The following MGST2 variants were observed in gnomAD, a reference collection of about 807,000 sequenced individuals.
MGST2 encodes the protein glutathione peroxidase MGST2.
A neutral mutation model predicts 16.6 loss-of-function variants in MGST2; 9 were observed. The ratio of observed to expected loss-of-function variants is 0.54; its 90% CI spans 0.33 to 0.95. The LOEUF is 0.95. Among genes scored for constraint, MGST2 ranks in the 40% least tolerant of loss-of-function variants. The pLI, the probability that MGST2 is intolerant of heterozygous loss-of-function variation, is 0.03. For synonymous variants in MGST2, 79 were observed against 68.0 expected, an observed-to-expected ratio of 1.16 and a Z score of -0.79; for missense variants, 159 against 175.1, an observed-to-expected ratio of 0.91 and a Z score of 0.52.
At chr4:139,706,075 C>T (rs531945980), downstream of MGST2, among the ~76,000 whole-genome samples, 47 of 151,794 alleles carry the variant, frequency 3.1e-4, no homozygotes, top group Non-Finnish European at 5.3e-4. Flanking sequence ...TTAAAAAGGC[C>T]GGGAAAAATA....
intron 5 of MGST2, chr4:139,717,344 G>GTAAT (rs1553949970): frequency 6.6e-6 from 1 of 152,576 alleles, no homozygotes; most frequent in African/African-American, 2.4e-5. Context: ...TCAGGAAAAG[G>GTAAT]TAATTATGTT....
At position 139,674,551 on chromosome 4, in the gene MGST2, G is replaced by A. The variant is rs560462230; in HGVS notation, c.59-3992G>A. Among the ~76,000 whole-genome samples the A allele has an allele frequency of 4.6e-5, 7 of 151,846 alleles. No individual in the cohort carries two copies. In the East Asian group the frequency reaches 9.7e-4, roughly 21 times the overall value. On this transcript the variant is annotated intron_variant, in intron 1 of 4. Coordinates refer to ENST00000265498, the MANE Select transcript of MGST2 (RefSeq NM_002413.5). ...TCCCAGCACTTTTGGAGGCTAAGGC[G>A]GGTAGATCACTTGAGGTCAGGAGTT...
intron 3 of MGST2, 28 bp from the exon 4 acceptor site, chr4:139,703,427 T>C: frequency 6.3e-7 from 1 of 1,598,342 alleles, no homozygotes; most frequent in Non-Finnish European, 8.6e-7. Flanking sequence ...TTTTGTGCCT[T>C]TTCTTTTTTT....
intron 2 of MGST2, chr4:139,687,881 G>C (rs924385173): frequency 1.3e-5 from 2 of 152,162 alleles, no homozygotes; most frequent in Non-Finnish European, 2.9e-5. Context: ...CTAGAGTCTT[G>C]CCGTCTTTTG....
At chr4:139,736,126 T>A (rs569843655) in intron 5 of MGST2, among the ~76,000 whole-genome samples, 69 of 151,902 alleles carry the variant, frequency 4.5e-4, no homozygotes, top group Admixed American at 4.0e-3. Context: ...ACACACACAC[T>A]CACTCACTCA....
At chr4:139,724,186 A>G (rs1052347807) in intron 5 of MGST2, among the ~76,000 whole-genome samples, 3 of 152,234 alleles carry the variant, frequency 2.0e-5, no homozygotes, top group Non-Finnish European at 4.4e-5. Flanking sequence ...TAAGCATTCC[A>G]GAGGTGGAAG....
chr4:139,689,189 T>C (rs939590227), intron 2 of MGST2, among the ~76,000 whole-genome samples: 8 of 151,578 alleles, frequency 5.3e-5, no homozygotes, highest in Non-Finnish European at 8.8e-5. Context: ...CCAGTGTCCT[T>C]ACCAATACCA....
At chr4:139,702,116 A>G (rs1727283874) in intron 3 of MGST2, among the ~76,000 whole-genome samples, 1 of 152,194 alleles carries the variant, frequency 6.6e-6, no homozygotes, top group Non-Finnish European at 1.5e-5. Flanking sequence ...GGGCCCTAAC[A>G]TAGGGAAGAC....
chr4:139,731,423 C>A (rs1451268657), intron 5 of MGST2: 1 of 113,498 alleles, frequency 8.8e-6, no homozygotes, highest in African/African-American at 3.5e-5. Flanking sequence ...GATGGTGAAA[C>A]CCTGTCTCTA....
At position 139,695,889 on chromosome 4, in the gene MGST2, A is replaced by C. The variant is rs772990603; in HGVS notation, c.229+622A>C. Among the ~76,000 whole-genome samples, 14 of 152,052 alleles carry C rather than the reference A, an allele frequency of 9.2e-5. No individual in the cohort carries two copies. The East Asian group carries it at 1.2e-3, about 13-fold the overall frequency. On this transcript the variant is annotated intron_variant, in intron 3 of 4. Transcript: ENST00000265498. ...GGTTGGGGTGCTGACCCCCCGCCCC[A>C]CACACACACAGTAGAAAATCTGCAT...
At chr4:139,719,065 C>A in intron 5 of MGST2, 1 of 454,416 alleles carries the variant, frequency 2.2e-6, no homozygotes, top group Non-Finnish European at 3.9e-6. Flanking sequence ...ATCTTCCCAC[C>A]TGCTCCTCCG....
At chr4:139,723,070 G>C (rs1241565907) in intron 5 of MGST2, among the ~76,000 whole-genome samples, 1 of 152,176 alleles carries the variant, frequency 6.6e-6, no homozygotes, top group Non-Finnish European at 1.5e-5. Context: ...CACCTCCAAA[G>C]AAAATAGTAT....
downstream of MGST2, among the ~76,000 whole-genome samples, chr4:139,741,418 C>A (rs1176173015): frequency 1.3e-5 from 2 of 152,108 alleles, no homozygotes; most frequent in Non-Finnish European, 2.9e-5. Flanking sequence ...ACTGAGAAAT[C>A]CTGAGAGGAT....
chr4:139,733,726 C>G (rs1249637446), intron 5 of MGST2, among the ~76,000 whole-genome samples: 1 of 152,118 alleles, frequency 6.6e-6, no homozygotes, highest in African/African-American at 2.4e-5. Context: ...ACTCCGTTGC[C>G]CAGGCTGGGG....
At chr4:139,686,685 T>C (rs1453135) in intron 2 of MGST2, among the ~76,000 whole-genome samples, 42,991 of 152,154 alleles carry the variant, frequency 0.28, 6,976 homozygotes, top group East Asian at 0.51. Flanking sequence ...CTTTCTGCTC[T>C]TGTAATGATG....
chr4:139,748,980 G>A, the MGST2 span, among the ~76,000 whole-genome samples: 6 of 152,144 alleles, frequency 3.9e-5, no homozygotes, highest in Admixed American at 3.9e-4. Flanking sequence ...GATTGTGGCT[G>A]CACACGTCCT....
At chr4:139,751,566 G>C in the MGST2 span, among the ~76,000 whole-genome samples, 1 of 152,132 alleles carries the variant, frequency 6.6e-6, no homozygotes, top group African/African-American at 2.4e-5. Context: ...AAAAAATTTT[G>C]GATTTTGGAG....
chr4:139,671,288 A>G (rs1423776933), intron 1 of MGST2, among the ~76,000 whole-genome samples: 2 of 152,048 alleles, frequency 1.3e-5, no homozygotes, highest in Admixed American at 1.3e-4. Context: ...TTAGGATTTC[A>G]TTTTTGGTTT....
intron 1 of MGST2, among the ~76,000 whole-genome samples, chr4:139,667,315 G>A (rs1175736784): frequency 2.6e-5 from 4 of 152,170 alleles, no homozygotes; most frequent in Admixed American, 6.6e-5. Flanking sequence ...GCAGGTCTAA[G>A]GCTCACTGTT....
Sources: gnomAD v4.1 joint callset for allele counts (sites outside exome capture counted in the v4.1 genomes callset) on GRCh38, gnomAD v4.1.1 for gene constraint, MANE v1.5 for transcripts, NCBI Gene and HGNC (gene_info 2026-07-23, HGNC 2026-07-21) for gene names.